CPPED1: variants seen among roughly 807,000 people sequenced by gnomAD.
The protein encoded by CPPED1 is serine/threonine-protein phosphatase CPPED1.
A neutral mutation model predicts 28.0 loss-of-function variants in CPPED1; 28 were observed. The ratio of observed to expected loss-of-function variants is 1.00; its 90% CI spans 0.74 to 1.37. CPPED1 has a LOEUF of 1.37. Ranked by LOEUF, CPPED1 falls within the 40% of genes most tolerant of loss-of-function variation. CPPED1 has a pLI of 0.00. For synonymous variants in CPPED1, 198 were observed against 180.2 expected (o/e 1.10, Z -0.79); for missense variants, 504 against 416.5 (o/e 1.21, Z -1.83).
chr16:12,778,415 C>G (rs1479036737), intron 2 of CPPED1, among the ~76,000 whole-genome samples: 1 of 150,694 alleles, frequency 6.6e-6, no homozygotes, highest in Non-Finnish European at 1.5e-5. Flanking sequence ...TAGCTGGGAT[C>G]ACAGGTGTAC....
intron 2 of CPPED1, among the ~76,000 whole-genome samples, chr16:12,755,162 A>G (rs1447310207): frequency 1.3e-5 from 2 of 152,008 alleles, no homozygotes; most frequent in Admixed American, 1.3e-4. Context: ...ATCATCTCTG[A>G]TGGGTCCCTT....
chr16:12,745,357 A>T (rs2080280094), intron 2 of CPPED1, among the ~76,000 whole-genome samples: 1 of 152,226 alleles, frequency 6.6e-6, no homozygotes, highest in Admixed American at 6.5e-5. Context: ...TCTACCATAA[A>T]GTCACATGCA....
intron 3 of CPPED1, among the ~76,000 whole-genome samples, chr16:12,700,240 G>A (rs559335470): frequency 1.3e-5 from 2 of 152,244 alleles, no homozygotes; most frequent in Admixed American, 6.5e-5. Context: ...GAAGAGGTAG[G>A]TGCCTTTGTA....
intron 3 of CPPED1, among the ~76,000 whole-genome samples, chr16:12,671,167 A>C (rs1351063569): frequency 6.6e-6 from 1 of 152,144 alleles, no homozygotes; most frequent in Non-Finnish European, 1.5e-5. Flanking sequence ...TTAAAAGTAT[A>C]CTTATCCCCT....
At chr16:12,668,480 T>C (rs147129773) in intron 3 of CPPED1, among the ~76,000 whole-genome samples, 5 of 152,308 alleles carry the variant, frequency 3.3e-5, no homozygotes, top group East Asian at 3.9e-4. Flanking sequence ...TGTTTGGGCA[T>C]AGCAGTCAAA....
Position 12,747,070 on chromosome 16 carries a change from T to A in CPPED1, c.289+34115A>T, listed in dbSNP as rs192429949. On this transcript the variant is annotated intron_variant, in intron 2 of 3. Coordinates refer to ENST00000381774, the MANE Select transcript of CPPED1 (RefSeq NM_018340.3). ...TTACTCCCAAAAAATAAAAAAAAAA[T>A]TAAAAAAAAAAAGAAGAAGAATGGG... is the stretch of plus-strand genomic sequence containing the variant. Among the ~76,000 whole-genome samples the A allele has an allele frequency of 4.4e-3, 615 of 139,124 alleles. 8 individuals are homozygous for A. The highest frequency in any genetic ancestry group is 0.016 in the African/African-American group (592 of 36,504). 91.3% of individuals were successfully genotyped at this position (139,124 alleles called of 152,430 possible).
intron 2 of CPPED1, among the ~76,000 whole-genome samples, chr16:12,730,940 A>C (rs2080193950): frequency 6.6e-6 from 1 of 152,162 alleles, no homozygotes; most frequent in Non-Finnish European, 1.5e-5. Flanking sequence ...GGGTATAGGA[A>C]TAAAAAGAGA....
intron 3 of CPPED1, among the ~76,000 whole-genome samples, chr16:12,700,468 G>A (rs999853914): frequency 6.6e-6 from 1 of 152,214 alleles, no homozygotes; most frequent in African/African-American, 2.4e-5. Context: ...TCGGCTCATT[G>A]CAATCTCCAC....
intron 2 of CPPED1, among the ~76,000 whole-genome samples, chr16:12,771,260 T>A (rs2080468945): frequency 6.6e-6 from 1 of 152,216 alleles, no homozygotes. Context: ...TAGTGCCTGG[T>A]GCAAAGTAGA....
At chr16:12,665,190 C>T in intron 3 of CPPED1, 75 bp from the exon 4 acceptor site, 2 of 1,279,626 alleles carry the variant, frequency 1.6e-6, no homozygotes, top group African/African-American at 1.5e-5. Flanking sequence ...GCATTTTATT[C>T]TGTGAACAGT....
At position 12,745,702 on chromosome 16, in the gene CPPED1, C is replaced by A. The variant is rs532069486; in HGVS notation, c.289+35483G>T. ...GGGAGGGTGGGAGGAGAGAGAGGAG[C>A]AGAAAAGATAACCATTGGGTACTGA... On this transcript the variant is annotated intron_variant, in intron 2 of 3. Coordinates refer to ENST00000381774, the MANE Select transcript of CPPED1 (RefSeq NM_018340.3). Among the ~76,000 whole-genome samples the A allele has an allele frequency of 1.3e-3, 197 of 152,278 alleles. 1 individual carries two copies. The highest frequency in any genetic ancestry group is 6.8e-3 in the Middle Eastern group (2 of 294).
chr16:12,667,230 A>G (rs2079830505), intron 3 of CPPED1, among the ~76,000 whole-genome samples: 1 of 152,230 alleles, frequency 6.6e-6, no homozygotes, highest in South Asian at 2.1e-4. Context: ...AAACCCTTCA[A>G]TTGGGAACAC....
intron 3 of CPPED1, among the ~76,000 whole-genome samples, chr16:12,693,507 T>C (rs953358383): frequency 5.9e-5 from 9 of 152,152 alleles, no homozygotes; most frequent in African/African-American, 2.2e-4. Flanking sequence ...TGCTATTTTT[T>C]TTTTACTTTC....
chr16:12,674,009 A>C (rs1237926806), intron 3 of CPPED1, among the ~76,000 whole-genome samples: 1 of 152,140 alleles, frequency 6.6e-6, no homozygotes, highest in Non-Finnish European at 1.5e-5. Flanking sequence ...TGGTTGCACC[A>C]CTGCACTCCA....
intron 2 of CPPED1, among the ~76,000 whole-genome samples, chr16:12,764,733 C>T (rs2080429507): frequency 6.6e-6 from 1 of 152,196 alleles, no homozygotes; most frequent in Non-Finnish European, 1.5e-5. Context: ...CACCTCCCAC[C>T]CTCTTGGGTA....
chr16:12,699,716 T>G (rs115995589), intron 3 of CPPED1, among the ~76,000 whole-genome samples: 2,115 of 152,256 alleles, frequency 0.014, 58 homozygotes, highest in African/African-American at 0.049. Flanking sequence ...TGATGAGCTT[T>G]TGACATATTT....
chr16:12,733,001 T>C (rs1358106932), intron 2 of CPPED1, among the ~76,000 whole-genome samples: 2 of 152,166 alleles, frequency 1.3e-5, no homozygotes, highest in Non-Finnish European at 2.9e-5. Flanking sequence ...AATCAGGAAA[T>C]AGCTCCAGGA....
chr16:12,710,928 G>T (rs544579922), intron 2 of CPPED1, among the ~76,000 whole-genome samples: 1 of 152,130 alleles, frequency 6.6e-6, no homozygotes, highest in Non-Finnish European at 1.5e-5. Context: ...AAACAATATG[G>T]TGGCTCCCCC....
chr16:12,740,173 G>A (rs887309403), intron 2 of CPPED1, among the ~76,000 whole-genome samples: 11 of 152,134 alleles, frequency 7.2e-5, no homozygotes, highest in South Asian at 2.1e-4. Flanking sequence ...TAGGCCGGGC[G>A]CAGTGGCTCA....
Sources: allele counts gnomAD v4.1 joint callset (sites outside exome capture counted in the v4.1 genomes callset), GRCh38; gene constraint gnomAD v4.1.1; transcripts MANE v1.5; gene names NCBI Gene and HGNC (gene_info 2026-07-23, HGNC 2026-07-21).